NOTCH2NLR: variants seen among roughly 807,000 people sequenced by gnomAD.
NOTCH2NLR encodes notch 2 N-terminal like R, also known as notch 2 N-terminal like R (pseudogene).
A neutral mutation model predicts 35.6 loss-of-function variants in NOTCH2NLR; 33 were observed. The ratio of observed to expected loss-of-function variants is 0.93; its 90% confidence interval spans 0.70 to 1.24. NOTCH2NLR has a LOEUF of 1.24. Ranked by LOEUF, NOTCH2NLR falls within the 50% of genes most tolerant of loss-of-function variation. The pLI, the probability that NOTCH2NLR is intolerant of heterozygous loss-of-function variation, is 0.00. For missense variants in NOTCH2NLR, 276 were observed against 362.2 expected (o/e 0.76, Z 1.93); for synonymous variants, 103 against 141.0 (o/e 0.73, Z 1.91).
intron 1 of NOTCH2NLR, among the ~76,000 whole-genome samples, chr1:120,727,921 G>T (rs1473077061): frequency 1.7e-5 from 2 of 118,678 alleles, no homozygotes; most frequent in Non-Finnish European, 3.3e-5. Context: ...CAGAAGACCA[G>T]AATTCTTCTC....
chr1:120,726,051 A>G (rs1650810958), intron 1 of NOTCH2NLR, among the ~76,000 whole-genome samples: 1 of 105,738 alleles, frequency 9.5e-6, no homozygotes, highest in East Asian at 2.2e-4. Flanking sequence ...AGAGAATTGT[A>G]GGGAATAATA....
chr1:120,765,296 A>G (rs1651179030), intron 2 of NOTCH2NLR, among the ~76,000 whole-genome samples: 1 of 67,826 alleles, frequency 1.5e-5, no homozygotes, highest in South Asian at 4.6e-4. Context: ...TTGGTGCCTT[A>G]GTTGCTTGCT....
In NOTCH2NLR at chr1:120,724,479, C is replaced by T. The variant is rs1417437835; in HGVS notation, c.73+229C>T. 4.9e-5 allele frequency among the ~76,000 whole-genome samples: 6 copies of T among 121,370 alleles called. 2 individuals carry two copies. The highest frequency in any genetic ancestry group is 8.9e-5 in the African/African-American group (2 of 22,470). The allele number at this position is 121,370 out of a possible 152,430, so 79.6% of individuals were successfully genotyped here. A position where few individuals can be genotyped will look rare whatever the true frequency, so the allele number is the denominator to read the frequency against. ...GCCTCTGCTCCCCGCGGCCCGGGAC[C>T]CCTCACACGCCTCCTCGGCAGGAGG... On this transcript the variant is annotated intron_variant, in intron 1 of 4. Transcript: ENST00000624419.
chr1:120,763,635 G>A lies in NOTCH2NLR; in HGVS notation c.81G>A (p.Gln27=), dbSNP rs1459033575. 11 of 1,384,102 alleles carry A rather than the reference G, an allele frequency of 7.9e-6. 1 individual carries two copies. Among genetic ancestry groups the A allele is most frequent in the Non-Finnish European group, 1.1e-5 (11 of 1,030,020 alleles). 85.7% of individuals were successfully genotyped at this position (1,384,102 alleles called of 1,614,324 possible). A position where few individuals can be genotyped will look rare whatever the true frequency, so the allele number is the denominator to read the frequency against. Residue 27 remains glutamine (Q), a synonymous_variant, in exon 2 of 5, where the codon CAG becomes CAA. Transcript: ENST00000624419. ...ATTTGTTTTTATTTTTAGCATTGCA[G>A]TGTCGAGATGGCTATGAACCCTGTG...
At chr1:120,784,407 C>G (rs2101452962) in intron 2 of NOTCH2NLR, among the ~76,000 whole-genome samples, 1 of 116,756 alleles carries the variant, frequency 8.6e-6, no homozygotes, top group South Asian at 2.5e-4. Flanking sequence ...CTATTTTCTG[C>G]TGCTCCAGAT....
chr1:120,768,616 A>C (rs1339150170), intron 2 of NOTCH2NLR, among the ~76,000 whole-genome samples: 2 of 110,744 alleles, frequency 1.8e-5, no homozygotes, highest in Non-Finnish European at 3.4e-5. Context: ...ATAAAAAAAA[A>C]AAACAAAACT....
chr1:120,764,746 G>T, intron 2 of NOTCH2NLR, among the ~76,000 whole-genome samples: 1 of 114,146 alleles, frequency 8.8e-6, no homozygotes, highest in Non-Finnish European at 1.7e-5. Context: ...AGAGGAATAT[G>T]TATCCATTCT....
intron 2 of NOTCH2NLR, among the ~76,000 whole-genome samples, chr1:120,764,976 T>C (rs1395583448): frequency 2.4e-5 from 2 of 84,882 alleles, no homozygotes; most frequent in Non-Finnish European, 4.3e-5. Context: ...GATTTAGTTT[T>C]TTAATGTTAT....
rs1651245521 is a variant in NOTCH2NLR, at chr1:120,770,109, G to C, written c.155+6400G>C. ...GATCTAGTATGGTTCAGCCTGCACT[G>C]GTGAGTGGAGTAAGGGTCCTGGAAG... On this transcript the variant is annotated intron_variant, in intron 2 of 4. Transcript: ENST00000624419. Among the ~76,000 whole-genome samples the C allele has an allele frequency of 2.8e-5, 3 of 107,756 alleles. No homozygotes were observed. The South Asian group carries it at 8.7e-4, about 31-fold the overall frequency. 70.7% of individuals were successfully genotyped at this position (107,756 alleles called of 152,430 possible). A position where few individuals can be genotyped will look rare whatever the true frequency, so the allele number is the denominator to read the frequency against.
intron 3 of NOTCH2NLR, among the ~76,000 whole-genome samples, chr1:120,790,695 G>T (rs1457965220): frequency 1.8e-5 from 2 of 110,404 alleles, no homozygotes; most frequent in Non-Finnish European, 3.4e-5. Context: ...CACCTCTTGG[G>T]TTCGAGTGAT....
chr1:120,790,153 C>G (rs1651468218), intron 3 of NOTCH2NLR, among the ~76,000 whole-genome samples: 1 of 99,038 alleles, frequency 1.0e-5, no homozygotes, highest in East Asian at 2.4e-4. Flanking sequence ...GTAGCTGGGA[C>G]TACAGGCACC....
At chr1:120,750,693 C>CT (rs1187656759) in intron 1 of NOTCH2NLR, among the ~76,000 whole-genome samples, 1 of 110,676 alleles carries the variant, frequency 9.0e-6, no homozygotes, top group Non-Finnish European at 1.7e-5. Flanking sequence ...AAGGTTGCTG[C>CT]TTTTGGGGTA....
rs1194869553 is a variant in NOTCH2NLR, at chr1:120,790,260, C to T, written c.416-2901C>T. Reference sequence around the variant, plus strand: ...GGATCGCCTGACCTCATGATCCACCCGCCTCGGCCTCCCAAAGTGCTGGGA... The same window carrying T: ...GGATCGCCTGACCTCATGATCCACCTGCCTCGGCCTCCCAAAGTGCTGGGA... On this transcript the variant is annotated intron_variant, in intron 3 of 4. Coordinates refer to ENST00000624419, the Ensembl canonical transcript of NOTCH2NLR. Among the ~76,000 whole-genome samples the T allele has an allele frequency of 4.4e-3, 480 of 108,266 alleles. 116 individuals carry two copies. The highest frequency in any genetic ancestry group is 6.6e-3 in the Non-Finnish European group (383 of 57,940). 71.0% of individuals were successfully genotyped at this position (108,266 alleles called of 152,430 possible). A position where few individuals can be genotyped will look rare whatever the true frequency, so the allele number is the denominator to read the frequency against.
At chr1:120,781,828 G>A (rs1651365020) in intron 2 of NOTCH2NLR, among the ~76,000 whole-genome samples, 2 of 117,948 alleles carry the variant, frequency 1.7e-5, no homozygotes, top group East Asian at 4.1e-4. Flanking sequence ...AAAGTGCTGA[G>A]ATTACTGGTG....
At chr1:120,792,516 T>C (rs1651502901) in intron 3 of NOTCH2NLR, among the ~76,000 whole-genome samples, 1 of 110,806 alleles carries the variant, frequency 9.0e-6, no homozygotes, top group Non-Finnish European at 1.7e-5. Context: ...ATTTTTTTTT[T>C]TTTGAAATAG....
At chr1:120,770,788 T>C (rs1651255080) in intron 2 of NOTCH2NLR, among the ~76,000 whole-genome samples, 1 of 117,134 alleles carries the variant, frequency 8.5e-6, no homozygotes, top group Non-Finnish European at 1.6e-5. Context: ...CTGTTTTAAG[T>C]TGGTAGTTCA....
At chr1:120,793,447 C>G in exon 4 of NOTCH2NLR, 1 of 1,438,692 alleles carries the variant, frequency 7.0e-7, no homozygotes, top group South Asian at 1.2e-5. Flanking sequence ...TCAATGGAGG[C>G]ACCTGTCGGC....
chr1:120,760,921 T>C (rs1227446180), intron 1 of NOTCH2NLR, among the ~76,000 whole-genome samples: 2 of 112,606 alleles, frequency 1.8e-5, no homozygotes, highest in Admixed American at 9.8e-5. Context: ...AGTCAGAAAT[T>C]GTGGGGGTCG....
At position 120,743,755 on chromosome 1, in the gene NOTCH2NLR, G is replaced by A. The variant is rs1188176943; in HGVS notation, c.73+19505G>A. On this transcript the variant is annotated intron_variant, in intron 1 of 4. Transcript: ENST00000624419. ...GAGTTTGAAAAAACACCGTAAGCCT[G>A]CATTCCAGAAGTTCTGGTATGGATA... Among the ~76,000 whole-genome samples, 5 of 121,406 alleles carry A rather than the reference G, an allele frequency of 4.1e-5. 2 individuals are homozygous for A. The highest frequency in any genetic ancestry group is 1.8e-4 in the African/African-American group (5 of 27,064). 79.6% of individuals were successfully genotyped at this position (121,406 alleles called of 152,430 possible).
Sources: allele counts gnomAD v4.1 joint callset (sites outside exome capture counted in the v4.1 genomes callset), GRCh38; gene constraint gnomAD v4.1.1; transcripts MANE v1.5; gene names NCBI Gene and HGNC (gene_info 2026-07-23, HGNC 2026-07-21).